The following MAP3K13 variants were observed in gnomAD, a reference collection of about 807,000 sequenced individuals.
MAP3K13 encodes the protein leucine zipper-bearing kinase.
MAP3K13 carries 52 observed loss-of-function variants against 104.0 expected under a neutral mutation model. The ratio of observed to expected loss-of-function variants is 0.50; its 90% CI spans 0.40 to 0.63. MAP3K13 has a LOEUF of 0.63. Among genes scored for constraint, MAP3K13 ranks in the 20% least tolerant of loss-of-function variants. The pLI is 0.00. For missense variants in MAP3K13, 914 were observed against 1,218.5 expected (o/e 0.75, Z 3.72); for synonymous variants, 394 against 442.2 (o/e 0.89, Z 1.37).
chr3:185,431,837 A>G (rs1420396849), intron 2 of MAP3K13, among the ~76,000 whole-genome samples: 1 of 152,152 alleles, frequency 6.6e-6, no homozygotes, highest in African/African-American at 2.4e-5. Context: ...CCATAACTAT[A>G]TTGGGATTAC....
intron 2 of MAP3K13, among the ~76,000 whole-genome samples, chr3:185,342,309 G>A (rs1244263655): frequency 6.6e-6 from 1 of 152,170 alleles, no homozygotes; most frequent in Non-Finnish European, 1.5e-5. Flanking sequence ...ATGCTGCAGT[G>A]CACAAGTAGT....
At chr3:185,349,967 C>T (rs544835978) in intron 2 of MAP3K13, among the ~76,000 whole-genome samples, 2 of 152,164 alleles carry the variant, frequency 1.3e-5, no homozygotes, top group South Asian at 2.1e-4. Context: ...CAAGGGAGAC[C>T]CTGGGGCCAA....
chr3:185,283,402 C>T (rs913149703), intron 1 of MAP3K13, among the ~76,000 whole-genome samples: 1 of 152,074 alleles, frequency 6.6e-6, no homozygotes, highest in African/African-American at 2.4e-5. Flanking sequence ...GGGACAGGGA[C>T]CTCGACTTTT....
At position 185,315,917 on chromosome 3, in the gene MAP3K13, T is replaced by C. The variant is rs1721653931; in HGVS notation, c.-86+30274T>C. Reference sequence around the variant, plus strand: ...AGAAGTTCTGAATAGGAGATATTAATTTATGAGTCATTAAGGTATAGAAGA... The same window carrying C: ...AGAAGTTCTGAATAGGAGATATTAACTTATGAGTCATTAAGGTATAGAAGA... On this transcript the variant is annotated intron_variant, in intron 2 of 14. Transcript: ENST00000424227. This position sits in a 1 kb window ranked among gnomAD's most constrained non-coding sequence, Gnocchi z 4.3. 6.6e-6 allele frequency among the ~76,000 whole-genome samples: 1 copy of C among 152,184 alleles called. No individual in the cohort carries two copies. The highest frequency in any genetic ancestry group is 2.1e-4 in the South Asian group (1 of 4,830).
intron 1 of MAP3K13, among the ~76,000 whole-genome samples, chr3:185,393,227 TA>T (rs1366061748): frequency 6.6e-6 from 1 of 152,194 alleles, no homozygotes; most frequent in African/African-American, 2.4e-5. Context: ...TCAAAGATTT[TA>T]TTTAACTCAT....
chr3:185,456,161 G>C (rs1716731203), intron 7 of MAP3K13, among the ~76,000 whole-genome samples: 1 of 151,772 alleles, frequency 6.6e-6, no homozygotes, highest in African/African-American at 2.4e-5. Flanking sequence ...GTTTTGATTG[G>C]AGTTCCTAAG....
rs977054130 is a variant in MAP3K13 at position 185,483,246 on chromosome 3, T to C, written c.*790T>C. The C allele has an allele frequency of 3.9e-5, 9 of 232,866 alleles. No homozygotes were observed. In the East Asian group the frequency reaches 4.8e-4, roughly 13 times the overall value. 14.4% of individuals were successfully genotyped at this position (232,866 alleles called of 1,614,324 possible). A position where few individuals can be genotyped will look rare whatever the true frequency, so the allele number is the denominator to read the frequency against. On this transcript the variant is annotated 3_prime_UTR_variant, in exon 14 of 14. Coordinates refer to ENST00000265026, the MANE Select transcript of MAP3K13 (RefSeq NM_004721.5). ...AGCAGTTGGTAGTGAGGTTTACAGA[T>C]AGTGTCAAATCTTGTTTTTGGCAAA...
chr3:185,316,293 G>C (rs1490651384), intron 2 of MAP3K13, among the ~76,000 whole-genome samples: 1 of 152,126 alleles, frequency 6.6e-6, no homozygotes, highest in Non-Finnish European at 1.5e-5. Flanking sequence ...TTAGGAAATA[G>C]TTACAAATTC....
intron 1 of MAP3K13, among the ~76,000 whole-genome samples, chr3:185,387,833 G>T (rs1247625847): frequency 6.6e-6 from 1 of 151,990 alleles, no homozygotes; most frequent in Admixed American, 6.6e-5. Context: ...GCAAAAGAAG[G>T]AAATAAACAG....
chr3:185,442,321 GA>G (rs566626069), intron 3 of MAP3K13, among the ~76,000 whole-genome samples: 68 of 145,004 alleles, frequency 4.7e-4, no homozygotes, highest in African/African-American at 7.6e-4. Context: ...TGTCTGACAT[GA>G]AAAAAAAAAA....
At chr3:185,314,215 G>A (rs1413687280) in intron 2 of MAP3K13, among the ~76,000 whole-genome samples, 1 of 152,186 alleles carries the variant, frequency 6.6e-6, no homozygotes, top group East Asian at 1.9e-4. Context: ...ATGCAAGTGA[G>A]TGCTCCCTTG....
intron 1 of MAP3K13, among the ~76,000 whole-genome samples, chr3:185,394,441 T>A (rs1426128814): frequency 6.6e-6 from 1 of 152,216 alleles, no homozygotes; most frequent in African/African-American, 2.4e-5. Flanking sequence ...GTCTCAAGCA[T>A]CTTTCTATGC....
At position 185,437,598 on chromosome 3, in the gene MAP3K13, G is replaced by A. The variant is rs377272727; in HGVS notation, c.627G>A (p.Arg209=). The change falls in exon 3 of 14, where the codon AGG becomes AGA. Residue 209 remains arginine (R), a synonymous_variant. Coordinates refer to ENST00000265026, the MANE Select transcript of MAP3K13 (RefSeq NM_004721.5). The stretch of plus-strand genomic sequence containing the variant: ...ATGAGACGGATATCAAGCATTTGAG[G>A]AAGTTGAAGCACCCTAACATCATCG... ...EQNETDIKHL[R]KLKHPNIIAF... is the part of the protein sequence containing the mutation. The A allele has an allele frequency of 1.7e-5, 28 of 1,613,152 alleles. No homozygotes were observed. Among genetic ancestry groups the A allele is most frequent in the Non-Finnish European group, 2.2e-5 (26 of 1,179,820 alleles).
intron 2 of MAP3K13, among the ~76,000 whole-genome samples, chr3:185,313,544 C>T (rs1311160845): frequency 6.6e-6 from 1 of 152,068 alleles, no homozygotes; most frequent in Non-Finnish European, 1.5e-5. Flanking sequence ...GCTGGGATTA[C>T]AGGCATGAGC....
chr3:185,321,903 C>A, intron 2 of MAP3K13, among the ~76,000 whole-genome samples: 1 of 152,212 alleles, frequency 6.6e-6, no homozygotes, highest in East Asian at 1.9e-4. Flanking sequence ...CACGCCCGGC[C>A]GTGACTGAGT....
chr3:185,447,682 C>A, intron 4 of MAP3K13, 107 bp from the exon 5 acceptor site: 2 of 824,960 alleles, frequency 2.4e-6, no homozygotes, highest in Non-Finnish European at 3.8e-6. Flanking sequence ...AAGCTGAATG[C>A]TACAAGATAG....
intron 7 of MAP3K13, among the ~76,000 whole-genome samples, chr3:185,455,681 G>T (rs62650470): frequency 1.2e-3 from 10 of 8,174 alleles, no homozygotes; most frequent in Middle Eastern, 0.1. Flanking sequence ...ATATATATGA[G>T]ATATATATAT....
At chr3:185,355,466 CAAAAA>C (rs10554957) in intron 2 of MAP3K13, among the ~76,000 whole-genome samples, 3 of 135,924 alleles carry the variant, frequency 2.2e-5, no homozygotes, top group African/African-American at 2.8e-5. Context: ...AACTCTGTCT[CAAAAA>C]AAAAAAAAAA....
chr3:185,355,438 G>A (rs1723312181), intron 2 of MAP3K13, among the ~76,000 whole-genome samples: 1 of 148,420 alleles, frequency 6.7e-6, no homozygotes, highest in South Asian at 2.1e-4. Flanking sequence ...CTGCACTCCA[G>A]CCTGGGTGTC....
Sources: gnomAD v4.1 joint callset for allele counts (sites outside exome capture counted in the v4.1 genomes callset) on GRCh38, gnomAD v4.1.1 for gene constraint, Gnocchi (gnomAD v3.1) non-coding constraint, MANE v1.5 for transcripts, NCBI Gene and HGNC (gene_info 2026-07-23, HGNC 2026-07-21) for gene names.